The following NTRK2 variants were observed in gnomAD, a reference collection of about 807,000 sequenced individuals.
NTRK2 encodes the protein BDNF/NT-3 growth factors receptor.
In NTRK2, 13 loss-of-function variants were observed where a neutral mutation model predicts 94.5. That is an observed-to-expected ratio of 0.14 (90% confidence interval 0.09 to 0.22). The LOEUF (loss-of-function observed/expected upper bound fraction) is 0.22, where lower values mean the gene tolerates loss of function less well. Ranked by LOEUF, NTRK2 falls within the 10% of genes least tolerant of loss-of-function variation. NTRK2 has a pLI of 1.00. For synonymous variants in NTRK2, 372 were observed against 407.4 expected, an observed-to-expected ratio of 0.91 and a Z score of 1.05; for missense variants, 639 against 1,071.2, an observed-to-expected ratio of 0.60 and a Z score of 5.63.
Position 85,027,020 on chromosome 9 carries a change from A to G in NTRK2, c.*5583A>G. On this transcript the variant is annotated 3_prime_UTR_variant, in exon 19 of 19. Coordinates refer to ENST00000277120, the MANE Select transcript of NTRK2 (RefSeq NM_006180.6). ...TCTTGTACTACAGTGTATTTAATAA[A>G]AATGATGTCTTACAATAAATAACAT... 1 of 231,890 alleles carries G rather than the reference A, an allele frequency of 4.3e-6. No homozygotes were observed. The highest frequency in any genetic ancestry group is 8.5e-6 in the Non-Finnish European group (1 of 117,232). 14.4% of individuals were successfully genotyped at this position (231,890 alleles called of 1,614,324 possible).
At chr9:84,829,061 C>A (rs375348283) in intron 12 of NTRK2, among the ~76,000 whole-genome samples, 2 of 152,000 alleles carry the variant, frequency 1.3e-5, no homozygotes, top group South Asian at 4.2e-4. Context: ...TGCAGTGGCA[C>A]GATCTCAGTT....
chr9:84,940,725 T>C (rs2078378575), intron 15 of NTRK2, among the ~76,000 whole-genome samples: 1 of 148,400 alleles, frequency 6.7e-6, no homozygotes, highest in East Asian at 2.0e-4. Context: ...TCTCCAATTC[T>C]GGAACAGTTT....
At chr9:84,899,846 T>A (rs61675023) in intron 14 of NTRK2, among the ~76,000 whole-genome samples, 9,722 of 152,204 alleles carry the variant, frequency 0.064, 931 homozygotes, top group African/African-American at 0.21. Flanking sequence ...CCCAAAGACC[T>A]GGATACTACA....
chr9:84,917,053 A>G (rs552947993), intron 14 of NTRK2, among the ~76,000 whole-genome samples: 1 of 152,246 alleles, frequency 6.6e-6, no homozygotes, highest in Admixed American at 6.5e-5. Flanking sequence ...AGTGTCCTGT[A>G]GCTTTCCTCT....
At chr9:84,753,121 T>C (rs1453749075) in intron 12 of NTRK2, among the ~76,000 whole-genome samples, 1 of 152,194 alleles carries the variant, frequency 6.6e-6, no homozygotes, top group Non-Finnish European at 1.5e-5. Flanking sequence ...TGAACATTTC[T>C]AAGCCAGAAA....
intron 14 of NTRK2, chr9:84,877,107 C>T (rs201009331): frequency 9.4e-7 from 1 of 1,064,854 alleles, no homozygotes; most frequent in Non-Finnish European, 1.1e-6. Context: ...ATCAATCACA[C>T]TTTCCTTCTC....
chr9:84,918,975 A>G (rs2077478334), intron 14 of NTRK2, among the ~76,000 whole-genome samples: 3 of 152,134 alleles, frequency 2.0e-5, no homozygotes, highest in Non-Finnish European at 4.4e-5. Flanking sequence ...AATAGCTCCC[A>G]TCTGCTTATA....
chr9:84,773,999 C>T (rs1169046287), intron 12 of NTRK2, among the ~76,000 whole-genome samples: 5 of 152,202 alleles, frequency 3.3e-5, no homozygotes, highest in African/African-American at 9.7e-5. Flanking sequence ...TCAAGTCTGC[C>T]TCAGGACAGT....
intron 17 of NTRK2, among the ~76,000 whole-genome samples, chr9:85,009,124 G>A (rs1831292434): frequency 6.6e-6 from 1 of 152,228 alleles, no homozygotes; most frequent in Non-Finnish European, 1.5e-5. Context: ...TCCAACAGGA[G>A]TCTGACTGGG....
At chr9:84,930,332 AGGAAGGCACTGGT>A (rs1456761385) in intron 14 of NTRK2, among the ~76,000 whole-genome samples, 1 of 152,310 alleles carries the variant, frequency 6.6e-6, no homozygotes, top group African/African-American at 2.4e-5. Flanking sequence ...GCCCCTGAGA[AGGAAGGCACTGGT>A]AGGGTGGAGA....
intron 12 of NTRK2, among the ~76,000 whole-genome samples, chr9:84,788,048 A>C (rs1010777827): frequency 6.6e-6 from 1 of 152,216 alleles, no homozygotes; most frequent in African/African-American, 2.4e-5. Context: ...ACTTAGAAGA[A>C]AGCTAAAAAG....
chr9:84,875,000 A>C, intron 14 of NTRK2: 1 of 1,056,320 alleles, frequency 9.5e-7, no homozygotes, highest in Non-Finnish European at 1.1e-6. Context: ...AATAATGTAG[A>C]TTTAGTAGAA....
At chr9:84,814,384 G>A (rs2133607253) in intron 12 of NTRK2, 2 of 1,065,730 alleles carry the variant, frequency 1.9e-6, no homozygotes, top group South Asian at 9.1e-5. Flanking sequence ...CATAATGGAG[G>A]GAAGCCCGCT....
At chr9:84,939,051 C>CAAAAAAAAAAAAAAAAAAAAA (rs138558531) in intron 15 of NTRK2, among the ~76,000 whole-genome samples, 8 of 68,358 alleles carry the variant, frequency 1.2e-4, no homozygotes, top group African/African-American at 2.2e-4. Flanking sequence ...GACCCCAACT[C>CAAAAAAAAAAAAAAAAAAAAA]AAAAAAAAAA....
At chr9:84,874,714 G>T in intron 14 of NTRK2, 2 of 1,062,152 alleles carry the variant, frequency 1.9e-6, no homozygotes, top group Non-Finnish European at 2.3e-6. Flanking sequence ...GGAAGCAAGA[G>T]CCACTGCCCT....
In NTRK2 at chr9:84,671,978, G is replaced by A. The variant is rs143545599; in HGVS notation, c.212+1018G>A. On this transcript the variant is annotated intron_variant, in intron 2 of 18. Transcript: ENST00000277120. Reference sequence around the variant, plus strand: ...ATCTCATTAACATGAGATTTTATTCGTATACGTGGAAGATTGTAAGGCAAA... The same window carrying A: ...ATCTCATTAACATGAGATTTTATTCATATACGTGGAAGATTGTAAGGCAAA... 1.4e-4 allele frequency among the ~76,000 whole-genome samples: 22 copies of A among 152,098 alleles called. No individual in the cohort carries two copies. In the East Asian group the frequency reaches 1.7e-3, roughly 12 times the overall value.
chr9:84,917,572 T>A (rs2132543906), intron 14 of NTRK2, among the ~76,000 whole-genome samples: 1 of 152,286 alleles, frequency 6.6e-6, no homozygotes, highest in East Asian at 1.9e-4. Context: ...TCAAGTGTTC[T>A]TGCCTAGGGA....
chr9:84,762,795 C>CA (rs1281671825), intron 12 of NTRK2, among the ~76,000 whole-genome samples: 2 of 152,186 alleles, frequency 1.3e-5, no homozygotes, highest in Non-Finnish European at 2.9e-5. Context: ...TGGGTAATCA[C>CA]AAAAAATTCC....
chr9:84,979,338 A>T (rs1827293938), intron 17 of NTRK2, among the ~76,000 whole-genome samples: 1 of 152,198 alleles, frequency 6.6e-6, no homozygotes. Context: ...ACCCTTGTAG[A>T]TGACTTTGAG....
Sources: allele counts gnomAD v4.1 joint callset (sites outside exome capture counted in the v4.1 genomes callset), GRCh38; gene constraint gnomAD v4.1.1; transcripts MANE v1.5; gene names NCBI Gene and HGNC (gene_info 2026-07-23, HGNC 2026-07-21).